The following PLXNB1 variants were observed in gnomAD, a reference collection of about 807,000 sequenced individuals.
PLXNB1 encodes plexin-B1.
A neutral mutation model predicts 209.4 loss-of-function variants in PLXNB1; 106 were observed. The ratio of observed to expected loss-of-function variants is 0.51; its 90% CI spans 0.43 to 0.59. PLXNB1 has a LOEUF of 0.59. Ranked by LOEUF, PLXNB1 falls within the 20% of genes least tolerant of loss-of-function variation. The pLI, the probability that PLXNB1 is intolerant of heterozygous loss-of-function variation, is 0.00. For synonymous variants in PLXNB1, 1,167 were observed against 1,183.2 expected, an observed-to-expected ratio of 0.99 and a Z score of 0.28; for missense variants, 2,357 against 2,853.2, an observed-to-expected ratio of 0.83 and a Z score of 3.96.
At chr3:48,424,872 G>A (rs1325807390) in intron 2 of PLXNB1, among the ~76,000 whole-genome samples, 1 of 152,158 alleles carries the variant, frequency 6.6e-6, no homozygotes, top group Non-Finnish European at 1.5e-5. Flanking sequence ...TCTCTCAGGA[G>A]ACCTGCACCC....
At chr3:48,414,631 C>G (rs568765637) in intron 21 of PLXNB1, among the ~76,000 whole-genome samples, 168 bp downstream of exon 21, 4 of 152,308 alleles carry the variant, frequency 2.6e-5, no homozygotes, top group Admixed American at 2.0e-4. Context: ...AGATGCTAGG[C>G]TAGGCACCCC....
rs781766014 is a variant in PLXNB1, at chr3:48,414,740, G to A, written c.4209+59C>T. 3.9e-5 allele frequency: 61 copies of A among 1,582,286 alleles called. 1 individual carries two copies. The Middle Eastern group carries it at 3.8e-3, about 99-fold the overall frequency. ...CTCGGCCTCTCCGCCACACACAGCA[G>A]TGCTGTCCAGCCAAGGGAAGGGTCT... On this transcript the variant is annotated intron_variant, in intron 21 of 37. Transcript: ENST00000296440.
rs553105128 is a variant in PLXNB1 at position 48,419,720 on chromosome 3, T to G, written c.2566A>C (p.Thr856Pro). ...GGELPEADEW[T>P]GGDAPAFSTS... ...GAGAAGGCGGGTGCGTCACCCCCCG[T>G]CCACTCGTCCGCCTCGGGCAGCTCG... The change falls in exon 11 of 38, where the codon ACG becomes CCG. Residue 856 changes from threonine (T) to proline (P), a missense_variant. Thr to Pro is a conservative substitution (Grantham distance 38). This residue lies in a region of PLXNB1 where 410 missense variants were observed against 401.0 expected (regional missense o/e 1.02). Transcript: ENST00000296440. The surrounding 1 kb of genome is among the most constrained non-coding windows in gnomAD (Gnocchi z 5.7). The G allele has an allele frequency of 2.8e-5, 45 of 1,611,546 alleles. No individual in the cohort carries two copies. In the South Asian group the frequency reaches 4.5e-4, roughly 16 times the overall value.
intron 1 of PLXNB1, among the ~76,000 whole-genome samples, chr3:48,427,086 C>A (rs2038933107): frequency 1.3e-5 from 2 of 152,188 alleles, no homozygotes; most frequent in South Asian, 4.1e-4. Context: ...TGCCAAAGTT[C>A]TCCAGCCCTC....
Position 48,419,118 on chromosome 3 carries a change from C to G in PLXNB1, c.2833-79G>C. On this transcript the variant is annotated intron_variant, in intron 12 of 37. Coordinates refer to ENST00000296440, the MANE Select transcript of PLXNB1 (RefSeq NM_001130082.3). This position sits in a 1 kb window ranked among gnomAD's most constrained non-coding sequence, Gnocchi z 5.7. ...TCCTGCAGGTCACCCAACAGATCCC[C>G]CAGCACAGCTTCTGGGTTGGAGTTG... 6.3e-7 allele frequency: 1 copy of G among 1,586,852 alleles called. No homozygotes were observed. The highest frequency in any genetic ancestry group is 1.1e-5 in the South Asian group (1 of 88,182).
Position 48,409,667 on chromosome 3 carries a change from G to C in PLXNB1, c.5843C>G (p.Pro1948Arg). 1 of 1,613,954 alleles carries C rather than the reference G, an allele frequency of 6.2e-7. No homozygotes were observed. Among genetic ancestry groups the C allele is most frequent in the Non-Finnish European group, 8.5e-7 (1 of 1,180,012 alleles). ...QVILSTSRPVPLAVKYFFDLL... is the reference protein window; with the variant it reads ...QVILSTSRPVRLAVKYFFDLL... ...GTCAAAGAAGTACTTCACAGCGAGC[G>C]GCACGGGGCGGCTGGTGCTGAGAAT... Residue 1948 changes from proline (P) to arginine (R), a missense_variant, in exon 33 of 38, where the codon CCG (proline) becomes CGG (arginine). This residue lies in a region of PLXNB1 where 414 missense variants were observed against 520.5 expected (regional missense o/e 0.80). Transcript: ENST00000296440. The surrounding 1 kb of genome is among the most constrained non-coding windows in gnomAD (Gnocchi z 5.8).
rs955348731 is a variant in PLXNB1 at position 48,417,436 on chromosome 3, T to C, written c.3374+475A>G. Among the ~76,000 whole-genome samples, 3 of 152,224 alleles carry C rather than the reference T, an allele frequency of 2.0e-5. No homozygotes were observed. In the East Asian group the frequency reaches 5.8e-4, roughly 29 times the overall value. On this transcript the variant is annotated intron_variant, in intron 16 of 37. Transcript: ENST00000296440. The surrounding 1 kb of genome is among the most constrained non-coding windows in gnomAD (Gnocchi z 4.4). Reference sequence around the variant, plus strand: ...GCCCCAGGAAGGCAGCAGGGGTCCCTAGAGACGACAGTGGAGCCTGGCCCT... The same window carrying C: ...GCCCCAGGAAGGCAGCAGGGGTCCCCAGAGACGACAGTGGAGCCTGGCCCT...
chr3:48,427,686 G>A (rs533066875), intron 1 of PLXNB1, among the ~76,000 whole-genome samples: 53 of 152,180 alleles, frequency 3.5e-4, no homozygotes, highest in Middle Eastern at 3.4e-3. Context: ...CAGGCTGCTT[G>A]GCTCCTCCAA....
Position 48,410,201 on chromosome 3 carries a change from T to A in PLXNB1, c.5605+95A>T. On this transcript the variant is annotated intron_variant, in intron 31 of 37. Coordinates refer to ENST00000296440, the MANE Select transcript of PLXNB1 (RefSeq NM_001130082.3). This position sits in a 1 kb window ranked among gnomAD's most constrained non-coding sequence, Gnocchi z 6.4. ...AGGGATTTCCTGGGCCGAATGGAAATAGGCACAAGCCTGCCCTGAGGCCCA... is the reference window on the plus strand; with the variant it reads ...AGGGATTTCCTGGGCCGAATGGAAAAAGGCACAAGCCTGCCCTGAGGCCCA... 1 of 1,449,426 alleles carries A rather than the reference T, an allele frequency of 6.9e-7. No individual in the cohort carries two copies. 89.8% of individuals were successfully genotyped at this position (1,449,426 alleles called of 1,614,324 possible).
intron 3 of PLXNB1, among the ~76,000 whole-genome samples, chr3:48,423,252 C>T (rs2038651427): frequency 6.6e-6 from 1 of 152,200 alleles, no homozygotes; most frequent in African/African-American, 2.4e-5. Context: ...CCCTCCCAAT[C>T]CACCGACACA....
intron 1 of PLXNB1, among the ~76,000 whole-genome samples, chr3:48,427,479 C>T (rs2038954369): frequency 6.6e-6 from 1 of 152,168 alleles, no homozygotes; most frequent in East Asian, 1.9e-4. Context: ...AGCTCCCAGC[C>T]CCTCCAATCT....
chr3:48,420,423 G>A (rs2038431011), intron 10 of PLXNB1, among the ~76,000 whole-genome samples, 166 bp from the exon 11 acceptor site: 1 of 152,168 alleles, frequency 6.6e-6, no homozygotes, highest in South Asian at 2.1e-4. Context: ...GAAGGCTCCA[G>A]GGGTGTCTGT....
In PLXNB1 at chr3:48,422,587, A is replaced by C; in HGVS notation, c.1291-128T>G. ...TCCTAGGCAGTCACAGGTCATACCA[A>C]CTGGCCTAGCGGGGATGGAGGAAAG... is the stretch of plus-strand genomic sequence containing the variant. On this transcript the variant is annotated intron_variant, in intron 4 of 37. Transcript: ENST00000296440. 2.3e-6 allele frequency: 3 copies of C among 1,309,190 alleles called. No individual in the cohort carries two copies. In the South Asian group the frequency reaches 4.5e-5, roughly 20 times the overall value. 81.1% of individuals were successfully genotyped at this position (1,309,190 alleles called of 1,614,324 possible).
At position 48,413,221 on chromosome 3, in the gene PLXNB1, A is replaced by G. The variant is rs1399994760; in HGVS notation, c.4536-52T>C. ...ATGGCCAGATGAGTCCTACTCGCCCAGGCCTGCCTGACAATCCCCAGGCAC... is the reference window on the plus strand; with the variant it reads ...ATGGCCAGATGAGTCCTACTCGCCCGGGCCTGCCTGACAATCCCCAGGCAC... On this transcript the variant is annotated intron_variant, in intron 23 of 37. Transcript: ENST00000296440. The surrounding 1 kb of genome is among the most constrained non-coding windows in gnomAD (Gnocchi z 5.4). The G allele has an allele frequency of 2.1e-6, 3 of 1,429,634 alleles. No homozygotes were observed. The highest frequency in any genetic ancestry group is 2.8e-5 in the African/African-American group (2 of 71,554). The allele number at this position is 1,429,634 out of a possible 1,614,324, so 88.6% of individuals were successfully genotyped here. A position where few individuals can be genotyped will look rare whatever the true frequency, so the allele number is the denominator to read the frequency against.
Position 48,404,517 on chromosome 3 carries a change from G to A in PLXNB1, c.6377C>T (p.Ala2126Val). The A allele has an allele frequency of 1.9e-6, 3 of 1,613,422 alleles. No individual in the cohort carries two copies. The highest frequency in any genetic ancestry group is 2.5e-6 in the Non-Finnish European group (3 of 1,179,468). Residue 2126 changes from alanine to valine, a missense_variant, in exon 38 of 38, where the codon GCT becomes GTT. Physicochemically the swap from Ala to Val is moderately conservative, Grantham distance 64. Transcript: ENST00000296440. ...QLGYRLQQIA[A>V]AVENKVTDL ...ATCTGTGACCTTGTTTTCCACAGCAGCTGCAATCTGCTGGAGCCGATAGCC... is the reference window on the plus strand; with the variant it reads ...ATCTGTGACCTTGTTTTCCACAGCAACTGCAATCTGCTGGAGCCGATAGCC...
In PLXNB1 at chr3:48,419,315, C is replaced by T. The variant is rs145961796; in HGVS notation, c.2761G>A (p.Gly921Ser). ...SSCPCVESVQ[G>S]STLMPVHVER... ...ACATGGACCGGCATCAACGTGGAGCCCTGAACGCTCTCCACACAGGGGCAG... is the reference window on the plus strand; with the variant it reads ...ACATGGACCGGCATCAACGTGGAGCTCTGAACGCTCTCCACACAGGGGCAG... The change falls in exon 12 of 38, where the codon GGC (glycine) becomes AGC (serine). Residue 921 changes from glycine (G) to serine (S), a missense_variant. Around this residue, in one of 7 missense-constraint regions of PLXNB1, gnomAD observed 410 missense variants for 401.0 expected, o/e 1.02. Transcript: ENST00000296440. The surrounding 1 kb of genome is among the most constrained non-coding windows in gnomAD (Gnocchi z 5.7). 29 of 1,596,434 alleles carry T rather than the reference C, an allele frequency of 1.8e-5. No individual in the cohort carries two copies. The African/African-American group carries it at 3.6e-4, about 20-fold the overall frequency.
rs1394169885 is a variant in PLXNB1, at chr3:48,409,421, C to G, written c.5995G>C (p.Val1999Leu). 1.2e-5 allele frequency: 19 copies of G among 1,614,068 alleles called. No homozygotes were observed. The highest frequency in any genetic ancestry group is 1.5e-5 in the Non-Finnish European group (18 of 1,180,054). The change falls in exon 34 of 38, where the codon GTG becomes CTG. Residue 1999 changes from valine to leucine, a missense_variant. By Grantham distance (32) the Val-to-Leu change is conservative. This residue lies in a region of PLXNB1 where 414 missense variants were observed against 520.5 expected (regional missense o/e 0.80). Coordinates refer to ENST00000296440, the MANE Select transcript of PLXNB1 (RefSeq NM_001130082.3). This position sits in a 1 kb window ranked among gnomAD's most constrained non-coding sequence, Gnocchi z 5.8. ...GCATCCATGTTATCAGATGTTTGCA[C>G]GTCGAACACAAACTGCGGGTTTTTT... ...IIKNPQFVFD[V>L]QTSDNMDAVL...
chr3:48,412,454 A>T lies in PLXNB1; in HGVS notation c.5021T>A (p.Leu1674Gln). 6.2e-7 allele frequency: 1 copy of T among 1,613,594 alleles called. No homozygotes were observed. The highest frequency in any genetic ancestry group is 8.5e-7 in the Non-Finnish European group (1 of 1,180,020). Residue 1674 changes from leucine to glutamine, a missense_variant, in exon 26 of 38, where the codon CTG becomes CAG. Coordinates refer to ENST00000296440, the MANE Select transcript of PLXNB1 (RefSeq NM_001130082.3). ...CAGCCACACAGACCTGCGCAGCATC[A>T]GCTTGGGGTTCTTGGCCACATACTG... ...VAQYVAKNPK[L>Q]MLRRTETVVE...
In PLXNB1 at chr3:48,419,321, C is replaced by T. The variant is rs774548685; in HGVS notation, c.2755G>A (p.Val919Ile). ...GASSCPCVES[V>I]QGSTLMPVHV... ...ACCGGCATCAACGTGGAGCCCTGAACGCTCTCCACACAGGGGCAGGAGCTT... is the reference window on the plus strand; with the variant it reads ...ACCGGCATCAACGTGGAGCCCTGAATGCTCTCCACACAGGGGCAGGAGCTT... The change falls in exon 12 of 38, where the codon GTT becomes ATT. Residue 919 changes from valine (V) to isoleucine (I), a missense_variant. By Grantham distance (29) the Val-to-Ile change is conservative (BLOSUM62 3). Around this residue, in one of 7 missense-constraint regions of PLXNB1, gnomAD observed 410 missense variants for 401.0 expected, o/e 1.02. Coordinates refer to ENST00000296440, the MANE Select transcript of PLXNB1 (RefSeq NM_001130082.3). This position sits in a 1 kb window ranked among gnomAD's most constrained non-coding sequence, Gnocchi z 5.7. 8.8e-6 allele frequency: 14 copies of T among 1,594,292 alleles called. No individual in the cohort carries two copies. The highest frequency in any genetic ancestry group is 6.9e-5 in the Admixed American group (4 of 58,066).
Sources: gnomAD v4.1 joint callset for allele counts (sites outside exome capture counted in the v4.1 genomes callset) on GRCh38, gnomAD v4.1.1 for gene constraint, gnomAD v4.1.1 regional missense constraint, Gnocchi (gnomAD v3.1) non-coding constraint, MANE v1.5 for transcripts, NCBI Gene and HGNC (gene_info 2026-07-23, HGNC 2026-07-21) for gene names.